The following PROS1 variants were observed in gnomAD, a reference collection of about 807,000 sequenced individuals.
The protein encoded by PROS1 is vitamin K-dependent protein S.
In PROS1, 29 loss-of-function variants were observed where a neutral mutation model predicts 75.9. That is an observed-to-expected ratio of 0.38 (90% CI 0.28 to 0.52). The LOEUF (loss-of-function observed/expected upper bound fraction) is 0.52, where lower values mean the gene tolerates loss of function less well. Among genes scored for constraint, PROS1 ranks in the 20% least tolerant of loss-of-function variants. PROS1 has a pLI of 0.83. For synonymous variants in PROS1, 245 were observed against 280.6 expected, an observed-to-expected ratio of 0.87 and a Z score of 1.27; for missense variants, 680 against 810.3, an observed-to-expected ratio of 0.84 and a Z score of 1.95.
At chr3:93,884,589 T>C in intron 12 of PROS1, 139 bp downstream of exon 12, 1 of 988,206 alleles carries the variant, frequency 1.0e-6, no homozygotes, top group Non-Finnish European at 1.5e-6. Flanking sequence ...AAAAGGTATA[T>C]AATAGTATGA....
At chr3:93,952,624 C>A (rs1308641683) in intron 1 of PROS1, among the ~76,000 whole-genome samples, 1 of 152,122 alleles carries the variant, frequency 6.6e-6, no homozygotes, top group East Asian at 1.9e-4. Context: ...CAAAAGAAAG[C>A]AGGAAAGATC....
intron 3 of PROS1, among the ~76,000 whole-genome samples, chr3:93,915,715 C>T (rs1335913295): frequency 2.6e-5 from 4 of 152,128 alleles, no homozygotes; most frequent in Admixed American, 2.0e-4. Flanking sequence ...CATATTTCTA[C>T]CAACAATCTA....
intron 3 of PROS1, among the ~76,000 whole-genome samples, chr3:93,911,366 A>G (rs1404026581): frequency 6.6e-6 from 1 of 152,196 alleles, no homozygotes; most frequent in East Asian, 1.9e-4. Context: ...AGTGCCAAAA[A>G]TATATTTCTT....
At chr3:93,923,316 A>T (rs1024102280) in intron 3 of PROS1, among the ~76,000 whole-genome samples, 6 of 152,200 alleles carry the variant, frequency 3.9e-5, no homozygotes, top group Non-Finnish European at 5.9e-5. Flanking sequence ...ATGTACTCTG[A>T]TCAAAGGAAT....
chr3:93,972,651 C>T (rs1709896306), intron 1 of PROS1, among the ~76,000 whole-genome samples: 1 of 145,388 alleles, frequency 6.9e-6, no homozygotes, highest in South Asian at 2.2e-4. Context: ...CCAGCCTGGC[C>T]AACATGGTGA....
intron 7 of PROS1, among the ~76,000 whole-genome samples, chr3:93,900,431 A>T (rs1366582634): frequency 1.3e-5 from 2 of 152,226 alleles, no homozygotes; most frequent in East Asian, 3.8e-4. Context: ...TGTCTCAATA[A>T]GATGATTTTT....
intron 4 of PROS1, among the ~76,000 whole-genome samples, chr3:93,907,669 A>G (rs1708697777): frequency 2.6e-5 from 4 of 152,212 alleles, no homozygotes; most frequent in Admixed American, 1.3e-4. Flanking sequence ...CAGGACAAGA[A>G]CTCAGGCAAA....
chr3:93,881,367 G>C (rs568623695), intron 12 of PROS1, among the ~76,000 whole-genome samples: 5 of 152,142 alleles, frequency 3.3e-5, no homozygotes, highest in African/African-American at 1.2e-4. Context: ...CGAAAGATGG[G>C]AGGGTGGGAG....
chr3:93,905,650 G>C, intron 6 of PROS1, 134 bp downstream of exon 6: 1 of 944,408 alleles, frequency 1.1e-6, no homozygotes, highest in Non-Finnish European at 1.6e-6. Context: ...GTATCACAAG[G>C]CTTCAATGTC....
intron 1 of PROS1, among the ~76,000 whole-genome samples, chr3:93,955,703 T>C (rs184387771): frequency 3.3e-4 from 50 of 150,938 alleles, no homozygotes; most frequent in African/African-American, 9.8e-4. Flanking sequence ...TGTGTACATG[T>C]ACCCTAGAAC....
At chr3:93,942,917 C>G (rs1368286451) in intron 1 of PROS1, among the ~76,000 whole-genome samples, 1 of 152,124 alleles carries the variant, frequency 6.6e-6, no homozygotes, top group Admixed American at 6.5e-5. Flanking sequence ...TGACTTTACT[C>G]ACATGCCATG....
At chr3:93,905,600 ATC>A (rs1708660810) in intron 6 of PROS1, among the ~76,000 whole-genome samples, 182 bp downstream of exon 6, 1 of 152,214 alleles carries the variant, frequency 6.6e-6, no homozygotes, top group Non-Finnish European at 1.5e-5. Context: ...GTGAGACCCT[ATC>A]TCTCAAAAAC....
At chr3:93,895,025 C>T (rs1247178929) in intron 9 of PROS1, among the ~76,000 whole-genome samples, 4 of 152,138 alleles carry the variant, frequency 2.6e-5, no homozygotes. Context: ...TCCACAGATG[C>T]TCAAGTCCCT....
At chr3:93,908,209 C>G (rs1188537576) in intron 4 of PROS1, among the ~76,000 whole-genome samples, 1 of 152,116 alleles carries the variant, frequency 6.6e-6, no homozygotes, top group African/African-American at 2.4e-5. Context: ...TATCTTCCTG[C>G]CTTAAATAAG....
chr3:93,889,313 C>CT (rs994935867), intron 10 of PROS1, among the ~76,000 whole-genome samples: 11 of 152,004 alleles, frequency 7.2e-5, no homozygotes, highest in African/African-American at 1.9e-4. Context: ...AGAGCACTGA[C>CT]TTTTTTTTAT....
At chr3:93,952,285 GCAC>G (rs1465161617) in intron 1 of PROS1, among the ~76,000 whole-genome samples, 9 of 152,140 alleles carry the variant, frequency 5.9e-5, no homozygotes, top group African/African-American at 2.2e-4. Context: ...ATTCTTCTCA[GCAC>G]CACATCACAC....
chr3:93,898,396 G>T (rs1708534629), intron 8 of PROS1, 52 bp downstream of exon 8: 1 of 1,595,898 alleles, frequency 6.3e-7, no homozygotes, highest in East Asian at 2.2e-5. Context: ...AAGTATCTAG[G>T]ATCTCTCATT....
At chr3:93,952,950 C>T (rs1709530658) in intron 1 of PROS1, among the ~76,000 whole-genome samples, 1 of 152,274 alleles carries the variant, frequency 6.6e-6, no homozygotes, top group African/African-American at 2.4e-5. Context: ...ACTATAAACA[C>T]CTCAATGCAA....
At chr3:93,971,557 G>A (rs1011900886) in intron 1 of PROS1, among the ~76,000 whole-genome samples, 1 of 150,490 alleles carries the variant, frequency 6.6e-6, no homozygotes, top group Non-Finnish European at 1.5e-5. Flanking sequence ...CTTGAACCCT[G>A]GAGTTCAAGA....
Sources: allele counts gnomAD v4.1 joint callset (sites outside exome capture counted in the v4.1 genomes callset), GRCh38; gene constraint gnomAD v4.1.1; transcripts MANE v1.5; gene names NCBI Gene and HGNC (gene_info 2026-07-23, HGNC 2026-07-21).